Variants in PRKN observed in about 807,000 individuals in gnomAD.
The protein encoded by PRKN is E3 ubiquitin-protein ligase parkin.
In PRKN, 56 loss-of-function variants were observed where a neutral mutation model predicts 59.5. The observed-to-expected ratio is 0.94, with a 90% CI of 0.76 to 1.18. The LOEUF (loss-of-function observed/expected upper bound fraction) is 1.18, where lower values mean the gene tolerates loss of function less well. PRKN is among the 50% of genes most tolerant of loss of function. The pLI, the probability that PRKN is intolerant of heterozygous loss-of-function variation, is 0.00. For synonymous variants in PRKN, 250 were observed against 222.1 expected (o/e 1.13, Z -1.12); for missense variants, 657 against 596.4 (o/e 1.10, Z -1.06).
Position 161,440,110 on chromosome 6 carries a change from C to T in PRKN, c.1084-53233G>A, listed in dbSNP as rs897320301. Among the ~76,000 whole-genome samples the T allele has an allele frequency of 6.6e-6, 1 of 151,892 alleles. No homozygotes were observed. Among genetic ancestry groups the T allele is most frequent in the African/African-American group, 2.4e-5 (1 of 41,340 alleles). The stretch of plus-strand genomic sequence containing the variant: ...GGACTACAGGCGCCCACCACCACGC[C>T]CGGCTAATTTTTTTTGGTATTTTTA... On this transcript the variant is annotated intron_variant, in intron 9 of 11. Coordinates refer to ENST00000366898, the MANE Select transcript of PRKN (RefSeq NM_004562.3). This position sits in a 1 kb window ranked among gnomAD's most constrained non-coding sequence, Gnocchi z 4.1.
intron 6 of PRKN, among the ~76,000 whole-genome samples, chr6:161,874,340 T>A (rs1288704188): frequency 2.4e-5 from 2 of 83,426 alleles, no homozygotes; most frequent in Non-Finnish European, 4.0e-5. Context: ...ATGTAAAATA[T>A]TATATATAAA....
intron 9 of PRKN, among the ~76,000 whole-genome samples, chr6:161,516,781 C>T (rs1394942296): frequency 2.2e-5 from 3 of 138,226 alleles, no homozygotes; most frequent in East Asian, 2.1e-4. Context: ...GAGCCAAGAT[C>T]GCACCACTGC....
intron 9 of PRKN, among the ~76,000 whole-genome samples, chr6:161,416,176 C>A (rs1449546051): frequency 6.6e-6 from 1 of 152,124 alleles, no homozygotes; most frequent in Admixed American, 6.5e-5. Flanking sequence ...CACAGCCACA[C>A]CTTTTGGTTC....
chr6:162,423,158 T>G lies in PRKN; in HGVS notation c.171+20152A>C, dbSNP rs547525160. 1.8e-4 allele frequency among the ~76,000 whole-genome samples: 28 copies of G among 152,248 alleles called. 1 individual carries two copies. The highest frequency in any genetic ancestry group is 6.5e-4 in the African/African-American group (27 of 41,554). ...GACATTACCCTAACCATCCTGGGGT[T>G]ACATTCCTAGATACTCTTGGATTCC... On this transcript the variant is annotated intron_variant, in intron 2 of 11. Coordinates refer to ENST00000366898, the MANE Select transcript of PRKN (RefSeq NM_004562.3).
intron 1 of PRKN, among the ~76,000 whole-genome samples, chr6:162,611,824 G>T (rs1158089448): frequency 6.6e-6 from 1 of 152,128 alleles, no homozygotes; most frequent in Non-Finnish European, 1.5e-5. Context: ...AAATCTAAAT[G>T]TGCAGAAAAA....
chr6:162,330,515 A>T (rs1382025950), intron 2 of PRKN, among the ~76,000 whole-genome samples: 1 of 152,168 alleles, frequency 6.6e-6, no homozygotes, highest in Non-Finnish European at 1.5e-5. Context: ...CTGAAACTGA[A>T]TTCTAGATAT....
intron 7 of PRKN, among the ~76,000 whole-genome samples, chr6:161,767,195 A>G (rs745608101): frequency 6.6e-6 from 1 of 152,218 alleles, no homozygotes; most frequent in Non-Finnish European, 1.5e-5. Flanking sequence ...ACAACCTCCA[A>G]GACAAACTCA....
intron 5 of PRKN, among the ~76,000 whole-genome samples, chr6:161,993,284 C>G (rs74355905): frequency 0.079 from 11,998 of 152,104 alleles, 535 homozygotes; most frequent in Middle Eastern, 0.11. Flanking sequence ...ACTAGCACCA[C>G]AGAAATACAA....
intron 1 of PRKN, among the ~76,000 whole-genome samples, chr6:162,585,611 A>C (rs60719662): frequency 0.12 from 18,712 of 152,252 alleles, 1,263 homozygotes; most frequent in Middle Eastern, 0.2. Flanking sequence ...AAAGATATAA[A>C]AAATGCTCAG....
intron 6 of PRKN, among the ~76,000 whole-genome samples, chr6:161,947,923 CTGAGAA>C (rs199608218): frequency 0.055 from 8,339 of 152,170 alleles, 319 homozygotes; most frequent in Non-Finnish European, 0.081. Context: ...ATATTTCAGG[CTGAGAA>C]TATCTATTTT....
At chr6:162,207,468 G>A (rs1180299649) in intron 3 of PRKN, among the ~76,000 whole-genome samples, 2 of 152,156 alleles carry the variant, frequency 1.3e-5, no homozygotes, top group African/African-American at 4.8e-5. Flanking sequence ...CAAACACGGA[G>A]GCTTCATTAT....
At chr6:161,536,548 C>G (rs550213552) in intron 9 of PRKN, among the ~76,000 whole-genome samples, 6 of 152,178 alleles carry the variant, frequency 3.9e-5, no homozygotes, top group Non-Finnish European at 7.3e-5. Flanking sequence ...CTGATAGAAA[C>G]TTACCCCTGC....
At chr6:161,999,076 A>C (rs1370220738) in intron 5 of PRKN, among the ~76,000 whole-genome samples, 2 of 152,128 alleles carry the variant, frequency 1.3e-5, no homozygotes, top group Non-Finnish European at 2.9e-5. Flanking sequence ...AGGGTGAAGA[A>C]GGATTTCTAA....
chr6:162,478,638 T>C (rs1370941117), intron 1 of PRKN, among the ~76,000 whole-genome samples: 1 of 152,094 alleles, frequency 6.6e-6, no homozygotes, highest in Non-Finnish European at 1.5e-5. Flanking sequence ...ATTTTAAGAA[T>C]TGCGTTGTTA....
At chr6:162,136,459 A>G (rs1173076181) in intron 4 of PRKN, among the ~76,000 whole-genome samples, 1 of 152,216 alleles carries the variant, frequency 6.6e-6, no homozygotes, top group Non-Finnish European at 1.5e-5. Flanking sequence ...GGTGCAAATA[A>G]TACACTGCTA....
chr6:162,332,649 G>A (rs80289067), intron 2 of PRKN, among the ~76,000 whole-genome samples: 254 of 152,242 alleles, frequency 1.7e-3, no homozygotes, highest in African/African-American at 5.9e-3. Flanking sequence ...GAAGTTACAT[G>A]GCTTCTTTAT....
intron 5 of PRKN, among the ~76,000 whole-genome samples, chr6:162,047,317 T>A (rs796465825): frequency 8.5e-5 from 13 of 152,256 alleles, no homozygotes; most frequent in African/African-American, 3.1e-4. Context: ...GTGGGACCCC[T>A]CAAAGCCACA....
At chr6:162,203,324 A>G (rs1784809758) in intron 3 of PRKN, among the ~76,000 whole-genome samples, 1 of 152,058 alleles carries the variant, frequency 6.6e-6, no homozygotes, top group Non-Finnish European at 1.5e-5. Flanking sequence ...CATGCAATCT[A>G]TTACACACAC....
chr6:162,562,786 A>G (rs1779895932), intron 1 of PRKN, among the ~76,000 whole-genome samples: 1 of 152,128 alleles, frequency 6.6e-6, no homozygotes, highest in South Asian at 2.1e-4. Flanking sequence ...AGGGGAAAAA[A>G]CAGGCCTTTA....
Sources: allele counts gnomAD v4.1 joint callset (sites outside exome capture counted in the v4.1 genomes callset), GRCh38; gene constraint gnomAD v4.1.1; non-coding constraint Gnocchi (gnomAD v3.1); transcripts MANE v1.5; gene names NCBI Gene and HGNC (gene_info 2026-07-23, HGNC 2026-07-21).